Variants in ANKRD45 observed in about 807,000 individuals in gnomAD.
ANKRD45 encodes the protein ankyrin repeat domain-containing protein 45.
In ANKRD45, 21 loss-of-function variants were observed where a neutral mutation model predicts 28.1. The observed-to-expected ratio is 0.75, with a 90% CI of 0.53 to 1.08. The LOEUF is 1.08. Among genes scored for constraint, ANKRD45 ranks in the 50% least tolerant of loss-of-function variants. ANKRD45 has a pLI of 0.00. For missense variants in ANKRD45, 261 were observed against 308.7 expected (o/e 0.85, Z 1.16); for synonymous variants, 86 against 103.9 (o/e 0.83, Z 1.05).
chr1:173,630,032 A>G (rs2102331658), intron 3 of ANKRD45, among the ~76,000 whole-genome samples: 1 of 152,332 alleles, frequency 6.6e-6, no homozygotes, highest in Non-Finnish European at 1.5e-5. Flanking sequence ...GCTAAAGGAA[A>G]ATAACTTTTA....
rs184559942 is a variant in ANKRD45 at position 173,666,754 on chromosome 1, A to T, written c.-16+3063T>A. Among the ~76,000 whole-genome samples, 444 of 151,918 alleles carry T rather than the reference A, an allele frequency of 2.9e-3. 1 individual carries two copies. Among genetic ancestry groups the T allele is most frequent in the African/African-American group, 9.6e-3 (396 of 41,366 alleles). On this transcript the variant is annotated intron_variant, in intron 1 of 5. Transcript: ENST00000333279. ...AAGAACTCTAACACAAATAGCATTTAAAAAAAATTTTTTTTTTAGACAAGA... is the reference window on the plus strand; with the variant it reads ...AAGAACTCTAACACAAATAGCATTTTAAAAAAATTTTTTTTTTAGACAAGA...
the ANKRD45 span, among the ~76,000 whole-genome samples, chr1:173,681,702 A>T: frequency 1.1e-4 from 16 of 152,266 alleles, no homozygotes; most frequent in African/African-American, 3.6e-4. Context: ...CAAATAGAAA[A>T]ATTTACATCA....
chr1:173,711,208 C>T, the ANKRD45 span, among the ~76,000 whole-genome samples: 8,761 of 152,178 alleles, frequency 0.058, 813 homozygotes, highest in African/African-American at 0.19. Flanking sequence ...CTGTGAACCC[C>T]GAAAATCTGA....
the ANKRD45 span, among the ~76,000 whole-genome samples, chr1:173,688,715 CCTCTCTCTCTTTCTGCCTCTTTCCTCT>C: frequency 3.6e-5 from 5 of 140,154 alleles, no homozygotes; most frequent in East Asian, 2.1e-4. Context: ...CTGCCTCTTT[CCTCTCTCTCTTTCTGCCTCTTTCCTCT>C]CTCTCTTTCT....
intron 5 of ANKRD45, 74 bp downstream of exon 5, chr1:173,624,713 A>C (rs1667848998): frequency 5.5e-6 from 8 of 1,441,646 alleles, no homozygotes. Flanking sequence ...AAATCAGAAT[A>C]TCTCAAAAAT....
At chr1:173,653,706 T>G (rs1184810256) in intron 2 of ANKRD45, among the ~76,000 whole-genome samples, 1 of 152,160 alleles carries the variant, frequency 6.6e-6, no homozygotes, top group Non-Finnish European at 1.5e-5. Flanking sequence ...GGTGTTAAAG[T>G]CTCCCATTAT....
At chr1:173,700,463 C>T in the ANKRD45 span, among the ~76,000 whole-genome samples, 2 of 152,060 alleles carry the variant, frequency 1.3e-5, no homozygotes, top group African/African-American at 4.8e-5. Flanking sequence ...GGGACTGGTA[C>T]CAAAACAGAG....
At chr1:173,660,303 ATGTT>A (rs1669722759) in intron 1 of ANKRD45, among the ~76,000 whole-genome samples, 1 of 152,190 alleles carries the variant, frequency 6.6e-6, no homozygotes, top group Non-Finnish European at 1.5e-5. Context: ...ACGTACAAGA[ATGTT>A]TGTGGCATCA....
At chr1:173,687,701 C>T in the ANKRD45 span, among the ~76,000 whole-genome samples, 1 of 152,072 alleles carries the variant, frequency 6.6e-6, no homozygotes, top group African/African-American at 2.4e-5. Flanking sequence ...TGGTTCCTTC[C>T]TGGTTCTGTA....
intron 2 of ANKRD45, chr1:173,657,655 G>A (rs1045535581): frequency 3.4e-5 from 3 of 87,204 alleles, no homozygotes; most frequent in African/African-American, 8.0e-5. Flanking sequence ...CAGCAACAGG[G>A]TCTTATCATG....
At chr1:173,621,061 T>C (rs1297439692) in intron 5 of ANKRD45, among the ~76,000 whole-genome samples, 2 of 152,014 alleles carry the variant, frequency 1.3e-5, no homozygotes, top group Non-Finnish European at 2.9e-5. Flanking sequence ...CTAGAAGAAA[T>C]GAATAAATTC....
chr1:173,680,377 A>C, the ANKRD45 span, among the ~76,000 whole-genome samples: 1 of 152,186 alleles, frequency 6.6e-6, no homozygotes, highest in African/African-American at 2.4e-5. Flanking sequence ...GGATGAGTCC[A>C]CGTCCTTGGC....
intron 3 of ANKRD45, among the ~76,000 whole-genome samples, chr1:173,641,338 G>A (rs1039431222): frequency 6.6e-6 from 1 of 152,180 alleles, no homozygotes; most frequent in African/African-American, 2.4e-5. Context: ...ACTGTATGGT[G>A]GCTCTCTTCC....
chr1:173,697,645 T>G, the ANKRD45 span, among the ~76,000 whole-genome samples: 6 of 152,186 alleles, frequency 3.9e-5, no homozygotes, highest in Non-Finnish European at 8.8e-5. Flanking sequence ...AGGCCTGCCT[T>G]ACAAGAGCTC....
At chr1:173,705,675 T>A in the ANKRD45 span, among the ~76,000 whole-genome samples, 23 of 151,866 alleles carry the variant, frequency 1.5e-4, no homozygotes, top group African/African-American at 4.8e-4. Context: ...TTAAAAAAAA[T>A]TAAATAAATA....
the ANKRD45 span, among the ~76,000 whole-genome samples, chr1:173,705,014 T>C: frequency 2.0e-5 from 3 of 152,172 alleles, no homozygotes; most frequent in East Asian, 5.8e-4. Context: ...CATCCCAGCA[T>C]TGACCAGTGA....
At chr1:173,707,417 C>G in the ANKRD45 span, among the ~76,000 whole-genome samples, 15 of 152,094 alleles carry the variant, frequency 9.9e-5, no homozygotes, top group African/African-American at 2.4e-4. Flanking sequence ...ACCATAACAT[C>G]CACCTTCCAG....
intron 5 of ANKRD45, among the ~76,000 whole-genome samples, chr1:173,612,351 G>A (rs530694922): frequency 6.7e-6 from 1 of 148,960 alleles, no homozygotes; most frequent in Non-Finnish European, 1.5e-5. Context: ...AAGGAAGGAA[G>A]GAAGGAAGGA....
chr1:173,683,810 A>T, the ANKRD45 span, among the ~76,000 whole-genome samples: 1 of 152,292 alleles, frequency 6.6e-6, no homozygotes, highest in African/African-American at 2.4e-5. Flanking sequence ...AAGAAACAGC[A>T]CTCAAATATA....
Sources: gnomAD v4.1 joint callset for allele counts (sites outside exome capture counted in the v4.1 genomes callset) on GRCh38, gnomAD v4.1.1 for gene constraint, MANE v1.5 for transcripts, NCBI Gene and HGNC (gene_info 2026-07-23, HGNC 2026-07-21) for gene names.